Variants in NELL1 observed in about 807,000 individuals in gnomAD.
NELL1 encodes the protein neural EGFL like 1, also known as protein kinase C-binding protein NELL1.
Under a neutral mutation model 107.4 loss-of-function variants are expected in NELL1, and 76 were observed. The observed-to-expected ratio is 0.71, with a 90% CI of 0.59 to 0.86. The LOEUF (loss-of-function observed/expected upper bound fraction) is 0.86, where lower values mean the gene tolerates loss of function less well. Among genes scored for constraint, NELL1 ranks in the 40% least tolerant of loss-of-function variants. NELL1 has a pLI of 0.00. For missense variants in NELL1, 1,024 were observed against 1,005.5 expected, an observed-to-expected ratio of 1.02 and a Z score of -0.25; for synonymous variants, 353 against 341.2, an observed-to-expected ratio of 1.03 and a Z score of -0.38.
chr11:21,245,036 T>A (rs1407726194), intron 14 of NELL1, among the ~76,000 whole-genome samples: 2 of 152,150 alleles, frequency 1.3e-5, no homozygotes, highest in Non-Finnish European at 2.9e-5. Flanking sequence ...TATGACTCCA[T>A]GCTTAAGATC....
At chr11:20,900,765 G>C (rs182854013) in intron 5 of NELL1, among the ~76,000 whole-genome samples, 2 of 152,104 alleles carry the variant, frequency 1.3e-5, no homozygotes, top group Admixed American at 1.3e-4. Flanking sequence ...ATGTATGCGT[G>C]TGTGTCTGGG....
chr11:20,807,494 A>C (rs974269214), intron 3 of NELL1, among the ~76,000 whole-genome samples: 2 of 152,334 alleles, frequency 1.3e-5, no homozygotes. Flanking sequence ...TTGAGTCAGA[A>C]TGAAGCCAGC....
At chr11:21,547,707 G>A (rs561565890) in intron 16 of NELL1, among the ~76,000 whole-genome samples, 15 of 151,864 alleles carry the variant, frequency 9.9e-5, no homozygotes, top group Admixed American at 3.3e-4. Context: ...AAAAAGTGAG[G>A]CCCTCAGAAT....
intron 14 of NELL1, among the ~76,000 whole-genome samples, chr11:21,286,258 C>A (rs913897522): frequency 3.3e-5 from 5 of 152,182 alleles, no homozygotes; most frequent in African/African-American, 7.2e-5. Context: ...AAGTGACTAC[C>A]TGAAACCCTA....
intron 2 of NELL1, among the ~76,000 whole-genome samples, chr11:20,710,992 A>G (rs1172960642): frequency 6.7e-6 from 1 of 149,718 alleles, no homozygotes; most frequent in East Asian, 2.0e-4. Flanking sequence ...TGTTTTATTT[A>G]TTTTTTTTGT....
intron 14 of NELL1, among the ~76,000 whole-genome samples, chr11:21,318,517 A>G (rs1849930112): frequency 1.3e-5 from 2 of 152,164 alleles, no homozygotes; most frequent in South Asian, 4.1e-4. Flanking sequence ...TGTCTTATCC[A>G]TACTTCCGGC....
At chr11:21,527,938 C>G (rs1056276720) in intron 15 of NELL1, among the ~76,000 whole-genome samples, 2 of 152,178 alleles carry the variant, frequency 1.3e-5, no homozygotes, top group Admixed American at 6.5e-5. Flanking sequence ...GGGTCTGCCT[C>G]TCCCAGTCTA....
At chr11:20,776,506 T>C (rs1856753871) in intron 2 of NELL1, among the ~76,000 whole-genome samples, 1 of 151,820 alleles carries the variant, frequency 6.6e-6, no homozygotes, top group Non-Finnish European at 1.5e-5. Context: ...AATAAAATGA[T>C]TACACATGTA....
At chr11:21,331,190 G>A (rs924071340) in intron 14 of NELL1, among the ~76,000 whole-genome samples, 5 of 151,838 alleles carry the variant, frequency 3.3e-5, no homozygotes, top group African/African-American at 1.2e-4. Flanking sequence ...TCTTTGTCAT[G>A]TTCATATCTA....
intron 9 of NELL1, among the ~76,000 whole-genome samples, chr11:20,934,092 A>C (rs1217343901): frequency 6.6e-6 from 1 of 152,132 alleles, no homozygotes; most frequent in Non-Finnish European, 1.5e-5. Context: ...CTTATGCTTG[A>C]ATTTCCTCAG....
At chr11:21,461,392 G>T (rs1376792731) in intron 15 of NELL1, among the ~76,000 whole-genome samples, 1 of 152,048 alleles carries the variant, frequency 6.6e-6, no homozygotes, top group Non-Finnish European at 1.5e-5. Context: ...CATTTTGATT[G>T]ACTTTAACCT....
intron 15 of NELL1, among the ~76,000 whole-genome samples, chr11:21,488,058 G>A (rs527409882): frequency 6.6e-6 from 1 of 151,172 alleles, no homozygotes; most frequent in East Asian, 2.0e-4. Flanking sequence ...TCTAAAGAGA[G>A]AAACTGACTT....
intron 13 of NELL1, among the ~76,000 whole-genome samples, chr11:21,133,380 G>C (rs1017282738): frequency 4.0e-4 from 61 of 152,166 alleles, no homozygotes; most frequent in African/African-American, 1.4e-3. Flanking sequence ...AGACTGTCCT[G>C]GTTTGAAGGT....
chr11:21,544,379 C>A (rs879760481), intron 16 of NELL1, among the ~76,000 whole-genome samples: 2 of 151,770 alleles, frequency 1.3e-5, no homozygotes, highest in Non-Finnish European at 2.9e-5. Flanking sequence ...CAACAGCCTT[C>A]TGATATAGGT....
In NELL1 at chr11:21,534,452, G is replaced by A; in HGVS notation, c.1724G>A (p.Cys575Tyr). 6.2e-7 allele frequency: 1 copy of A among 1,613,908 alleles called. No homozygotes were observed. Among genetic ancestry groups the A allele is most frequent in the South Asian group, 1.1e-5 (1 of 91,080 alleles). Reference sequence around the variant, plus strand: ...GTTAACCTGCCAGGGTGGTACCACTGTGAGTGCAGAAGCGGTTTCCATGAC... The same window carrying A: ...GTTAACCTGCCAGGGTGGTACCACTATGAGTGCAGAAGCGGTTTCCATGAC... ...RCVNLPGWYH[C>Y]ECRSGFHDDG... Residue 575 changes from cysteine to tyrosine, a missense_variant, in exon 16 of 20, where the codon TGT (cysteine) becomes TAT (tyrosine). By Grantham distance (194) the Cys-to-Tyr change is radical. Coordinates refer to ENST00000357134, the MANE Select transcript of NELL1 (RefSeq NM_006157.5).
At chr11:20,687,859 C>T (rs1427419965) in intron 2 of NELL1, among the ~76,000 whole-genome samples, 1 of 152,038 alleles carries the variant, frequency 6.6e-6, no homozygotes, top group African/African-American at 2.4e-5. Flanking sequence ...TCCCAAAGTT[C>T]TGGGATTACA....
At chr11:20,695,876 A>G (rs1854601700) in intron 2 of NELL1, among the ~76,000 whole-genome samples, 1 of 151,856 alleles carries the variant, frequency 6.6e-6, no homozygotes. Flanking sequence ...TACATCTGGT[A>G]GAATTTGGCT....
chr11:21,091,280 A>G (rs116894484), intron 12 of NELL1, among the ~76,000 whole-genome samples: 2,244 of 152,310 alleles, frequency 0.015, 33 homozygotes, highest in Middle Eastern at 0.027. Context: ...TGAGCATTAT[A>G]AAGAATGCCT....
chr11:21,229,101 G>C (rs562514789), intron 13 of NELL1, among the ~76,000 whole-genome samples: 1 of 151,988 alleles, frequency 6.6e-6, no homozygotes, highest in South Asian at 2.1e-4. Flanking sequence ...ATTGTGTGAC[G>C]GACAGGAGTT....
Sources: allele counts gnomAD v4.1 joint callset (sites outside exome capture counted in the v4.1 genomes callset), GRCh38; gene constraint gnomAD v4.1.1; transcripts MANE v1.5; gene names NCBI Gene and HGNC (gene_info 2026-07-23, HGNC 2026-07-21).